PPP2R1B: variants seen among roughly 807,000 people sequenced by gnomAD.
The protein encoded by PPP2R1B is protein phosphatase 2 scaffold subunit Abeta.
In PPP2R1B, 58 loss-of-function variants were observed where a neutral mutation model predicts 72.7. The ratio of observed to expected loss-of-function variants is 0.80; its 90% CI spans 0.65 to 0.99. The LOEUF is 0.99. Among genes scored for constraint, PPP2R1B ranks in the 50% least tolerant of loss-of-function variants. The pLI, the probability that PPP2R1B is intolerant of heterozygous loss-of-function variation, is 0.00. For missense variants in PPP2R1B, 695 were observed against 733.6 expected, an observed-to-expected ratio of 0.95 and a Z score of 0.61; for synonymous variants, 256 against 264.6, an observed-to-expected ratio of 0.97 and a Z score of 0.32.
chr11:111,725,450 G>GT (rs1233815781), downstream of PPP2R1B: 1 of 152,484 alleles, frequency 6.6e-6, no homozygotes, highest in Admixed American at 6.5e-5. Context: ...AGTCATCAAA[G>GT]TAAGTAAAAA....
At chr11:111,755,596 T>TC (rs1555049439) in intron 5 of PPP2R1B, 146 bp from the exon 6 acceptor site, 7 of 757,652 alleles carry the variant, frequency 9.2e-6, no homozygotes, top group Non-Finnish European at 1.1e-5. Context: ...TTTTCTTTTT[T>TC]TTTTTTTTTT....
chr11:111,711,735 G>A, the PPP2R1B span, among the ~76,000 whole-genome samples: 3 of 152,174 alleles, frequency 2.0e-5, no homozygotes, highest in South Asian at 2.1e-4. Flanking sequence ...CCAAAAAGGC[G>A]GGTAGGGCAG....
intron 1 of PPP2R1B, among the ~76,000 whole-genome samples, 184 bp from the exon 2 acceptor site, chr11:111,765,568 T>C (rs1198066007): frequency 6.6e-6 from 1 of 152,144 alleles, no homozygotes; most frequent in Admixed American, 6.5e-5. Flanking sequence ...TCGGCCTCAC[T>C]AGCCGGCGGA....
At chr11:111,751,763 A>AGGCG in intron 10 of PPP2R1B, among the ~76,000 whole-genome samples, 1 of 152,340 alleles carries the variant, frequency 6.6e-6, no homozygotes, top group Admixed American at 6.5e-5. Flanking sequence ...GAATCACCTG[A>AGGCG]GGTCAGGAAT....
chr11:111,738,715 T>C lies in PPP2R1B; in HGVS notation c.*2881A>G. The C allele has an allele frequency of 2.0e-6, 2 of 985,424 alleles. No individual in the cohort carries two copies. Among genetic ancestry groups the C allele is most frequent in the Non-Finnish European group, 2.4e-6 (2 of 829,942 alleles). 61.0% of individuals were successfully genotyped at this position (985,424 alleles called of 1,614,324 possible). On this transcript the variant is annotated 3_prime_UTR_variant, in exon 15 of 15. Transcript: ENST00000527614. ...ACATATTCACCTGCCTTCCTTCTTA[T>C]GAAACAAGATGCATCCTCAGGTTCA...
intron 15 of PPP2R1B, chr11:111,728,436 G>A (rs1944050584): frequency 6.6e-6 from 1 of 152,140 alleles, no homozygotes; most frequent in Non-Finnish European, 1.5e-5. Context: ...CTACAGGTGT[G>A]TGCTACCGCA....
At chr11:111,736,749 C>T (rs1215878420), downstream of PPP2R1B, among the ~76,000 whole-genome samples, 1 of 152,226 alleles carries the variant, frequency 6.6e-6, no homozygotes, top group Non-Finnish European at 1.5e-5. Context: ...TTTGATGTTA[C>T]TTCATTGAAT....
Position 111,754,578 on chromosome 11 carries a change from T to C in PPP2R1B, c.959-9A>G, listed in dbSNP as rs1945031525. The C allele has an allele frequency of 6.3e-7, 1 of 1,591,688 alleles. No homozygotes were observed. The stretch of plus-strand genomic sequence containing the variant: ...CAAGTTCTCACCAAGTTCTAAAAGA[T>C]AAATAGAAAAAAAGAATGCTTTCAC... On this transcript the variant is annotated splice_polypyrimidine_tract_variant and intron_variant, in intron 7 of 14. Coordinates refer to ENST00000527614, the MANE Select transcript of PPP2R1B (RefSeq NM_002716.5).
the PPP2R1B span, among the ~76,000 whole-genome samples, chr11:111,697,165 A>C: frequency 2.0e-5 from 3 of 152,216 alleles, no homozygotes; most frequent in Non-Finnish European, 4.4e-5. Context: ...CTAGCTGTAT[A>C]ACCTCTGGCA....
the PPP2R1B span, among the ~76,000 whole-genome samples, chr11:111,692,387 A>AAAAAAAAAAAAAAAC: frequency 8.8e-6 from 1 of 113,402 alleles, no homozygotes; most frequent in Admixed American, 9.8e-5. Flanking sequence ...AAAAAAAAAA[A>AAAAAAAAAAAAAAAC]ACACAAAAAG....
chr11:111,695,048 C>T, the PPP2R1B span, among the ~76,000 whole-genome samples: 5 of 152,154 alleles, frequency 3.3e-5, no homozygotes, highest in African/African-American at 7.2e-5. Flanking sequence ...TATGCATTGA[C>T]GTCAGTGTTG....
chr11:111,732,930 C>T (rs932299765), downstream of PPP2R1B, among the ~76,000 whole-genome samples: 2 of 152,212 alleles, frequency 1.3e-5, no homozygotes, highest in South Asian at 4.1e-4. Context: ...CCACCAGTGA[C>T]TTCAAAAGCT....
chr11:111,761,431 T>C (rs1017976604), intron 3 of PPP2R1B: 4 of 364,574 alleles, frequency 1.1e-5, no homozygotes, highest in South Asian at 2.1e-5. Flanking sequence ...CTATGACCAA[T>C]GTTAGGCACC....
At chr11:111,704,306 G>A in the PPP2R1B span, among the ~76,000 whole-genome samples, 2 of 152,202 alleles carry the variant, frequency 1.3e-5, no homozygotes, top group African/African-American at 4.8e-5. Context: ...CACCCATGCC[G>A]ACTGTCAGGT....
At chr11:111,701,508 G>A in the PPP2R1B span, 21 of 1,613,804 alleles carry the variant, frequency 1.3e-5, no homozygotes, top group South Asian at 5.5e-5. The surrounding 1 kb of genome is among the most constrained non-coding windows in gnomAD (Gnocchi z 4.2). Flanking sequence ...TTGATGGACC[G>A]ACTCTTCCAA....
intron 5 of PPP2R1B, among the ~76,000 whole-genome samples, chr11:111,755,942 C>T (rs1555049548): frequency 6.6e-6 from 1 of 151,462 alleles, no homozygotes; most frequent in Non-Finnish European, 1.5e-5. Context: ...GGCCCAGTGG[C>T]TCACGTCTGT....
At chr11:111,697,957 C>T in the PPP2R1B span, among the ~76,000 whole-genome samples, 36,250 of 152,098 alleles carry the variant, frequency 0.24, 4,582 homozygotes, top group Middle Eastern at 0.31. Context: ...CTACAATGAG[C>T]TGTGATTCAC....
downstream of PPP2R1B, chr11:111,723,739 GC>G: frequency 6.2e-7 from 1 of 1,614,124 alleles, no homozygotes; most frequent in Non-Finnish European, 8.5e-7. Context: ...ACCAAGAGAT[GC>G]AGCTTCAGCC....
intron 5 of PPP2R1B, among the ~76,000 whole-genome samples, 198 bp downstream of exon 5, chr11:111,759,606 T>A (rs1258797520): frequency 6.6e-6 from 1 of 152,210 alleles, no homozygotes; most frequent in African/African-American, 2.4e-5. Context: ...GCTGCTAATG[T>A]AAGAGAGAAA....
Sources: allele counts gnomAD v4.1 joint callset (sites outside exome capture counted in the v4.1 genomes callset), GRCh38; gene constraint gnomAD v4.1.1; non-coding constraint Gnocchi (gnomAD v3.1); transcripts MANE v1.5; gene names NCBI Gene and HGNC (gene_info 2026-07-23, HGNC 2026-07-21).